The following PTK2B variants were observed in gnomAD, a reference collection of about 807,000 sequenced individuals.
PTK2B encodes the protein protein-tyrosine kinase 2-beta.
A neutral mutation model predicts 142.9 loss-of-function variants in PTK2B; 71 were observed. That is an observed-to-expected ratio of 0.50 (90% CI 0.41 to 0.61). PTK2B has a LOEUF of 0.61. PTK2B is among the 20% of genes least tolerant of loss of function. The probability of loss-of-function intolerance (pLI) is 0.00; values close to 1 mark genes in which losing one functional copy is unlikely to be tolerated. For synonymous variants in PTK2B, 519 were observed against 503.4 expected, an observed-to-expected ratio of 1.03 and a Z score of -0.42; for missense variants, 1,105 against 1,320.4, an observed-to-expected ratio of 0.84 and a Z score of 2.53.
Position 27,444,247 on chromosome 8 carries a change from C to A in PTK2B, c.2190C>A (p.Leu730=), listed in dbSNP as rs559212328. ...ACAGACCCCCTCCGCAAACCAACCTCCTGGCTCCAAAGCTGCAGTTCCAGG... is the reference window on the plus strand; with the variant it reads ...ACAGACCCCCTCCGCAAACCAACCTACTGGCTCCAAAGCTGCAGTTCCAGG... ...PKYRPPPQTN[L]LAPKLQFQVP... The change falls in exon 23 of 31, where the codon CTC becomes CTA. Residue 730 remains leucine, a synonymous_variant. Transcript: ENST00000346049. The A allele has an allele frequency of 6.2e-7, 1 of 1,613,894 alleles. No individual in the cohort carries two copies. The highest frequency in any genetic ancestry group is 1.7e-5 in the Admixed American group (1 of 60,020).
intron 24 of PTK2B, among the ~76,000 whole-genome samples, chr8:27,447,739 A>C (rs1811556813): frequency 1.3e-5 from 2 of 152,308 alleles, no homozygotes; most frequent in South Asian, 4.1e-4. Flanking sequence ...GTGCACCTGT[A>C]ATCCCAGCTA....
Position 27,387,817 on chromosome 8 carries a change from CTT to C in PTK2B, c.-37-9717_-37-9716del, listed in dbSNP as rs60954097. On this transcript the variant is annotated intron_variant, in intron 1 of 30. Coordinates refer to ENST00000346049, the MANE Select transcript of PTK2B (RefSeq NM_173176.3). ...CTTTCTCATCCTAGACTGGGGAAGG[CTT>C]TTTTTTTTTTTTTAAATCTACATGA... is the stretch of plus-strand genomic sequence containing the variant. Among the ~76,000 whole-genome samples the C allele has an allele frequency of 2.0e-3, 288 of 144,956 alleles. 1 individual carries two copies. Among genetic ancestry groups the C allele is most frequent in the East Asian group, 6.7e-3 (33 of 4,898 alleles).
intron 30 of PTK2B, among the ~76,000 whole-genome samples, chr8:27,456,046 T>C (rs545356970): frequency 6.6e-6 from 1 of 152,338 alleles, no homozygotes; most frequent in African/African-American, 2.4e-5. Context: ...ACAGGAGCCC[T>C]AGGTGGGGCT....
intron 1 of PTK2B, among the ~76,000 whole-genome samples, chr8:27,355,466 C>G (rs1052954322): frequency 1.3e-5 from 2 of 152,138 alleles, no homozygotes; most frequent in African/African-American, 4.8e-5. Flanking sequence ...CCCTAGCACC[C>G]CAGAAAGAAG....
chr8:27,339,940 G>A (rs974186721), intron 1 of PTK2B, among the ~76,000 whole-genome samples: 1 of 152,234 alleles, frequency 6.6e-6, no homozygotes, highest in East Asian at 1.9e-4. Flanking sequence ...TTCTGTGCCT[G>A]TCGGTCAGGA....
intron 3 of PTK2B, among the ~76,000 whole-genome samples, chr8:27,319,267 C>A (rs1803155561): frequency 1.3e-5 from 2 of 150,892 alleles, no homozygotes; most frequent in Non-Finnish European, 2.9e-5. Context: ...TTTATCTCTC[C>A]CCTCTACAGA....
At chr8:27,358,440 T>C (rs1316429597) in intron 1 of PTK2B, among the ~76,000 whole-genome samples, 1 of 152,250 alleles carries the variant, frequency 6.6e-6, no homozygotes, top group Non-Finnish European at 1.5e-5. Context: ...TAATCATATT[T>C]TTAATGTTTT....
intron 1 of PTK2B, among the ~76,000 whole-genome samples, chr8:27,386,241 C>T (rs899029314): frequency 6.6e-6 from 1 of 152,194 alleles, no homozygotes; most frequent in Non-Finnish European, 1.5e-5. Context: ...CATTATTTCA[C>T]TACTATAAAT....
chr8:27,345,404 C>A (rs1804656375), intron 1 of PTK2B, among the ~76,000 whole-genome samples: 1 of 152,192 alleles, frequency 6.6e-6, no homozygotes, highest in African/African-American at 2.4e-5. Flanking sequence ...TAAACACATG[C>A]CACATCCTTG....
At chr8:27,429,738 C>T (rs1810291602) in intron 5 of PTK2B, among the ~76,000 whole-genome samples, 2 of 152,164 alleles carry the variant, frequency 1.3e-5, no homozygotes, top group Admixed American at 1.3e-4. Flanking sequence ...CCCCCAGGAC[C>T]TGCAGGTGAA....
chr8:27,313,525 T>C (rs1374066036), intron 3 of PTK2B, among the ~76,000 whole-genome samples: 1 of 152,188 alleles, frequency 6.6e-6, no homozygotes, highest in African/African-American at 2.4e-5. Context: ...ATCCTGGGAC[T>C]TCATATGCTG....
In PTK2B at chr8:27,440,387, G is replaced by C; in HGVS notation, c.1985G>C (p.Trp662Ser). ...CTTTATACCCTCATGACCCGCTGCT[G>C]GGACTACGACCCCAGTGACCGGCCC... ...PVLYTLMTRC[W>S]DYDPSDRPRF... Residue 662 changes from tryptophan to serine, a missense_variant, in exon 21 of 31, where the codon TGG (tryptophan) becomes TCG (serine). Trp to Ser is a radical substitution (Grantham distance 177, BLOSUM62 -3). Transcript: ENST00000346049. The C allele has an allele frequency of 6.2e-7, 1 of 1,614,192 alleles. No homozygotes were observed. The highest frequency in any genetic ancestry group is 8.5e-7 in the Non-Finnish European group (1 of 1,180,046).
In PTK2B at chr8:27,433,640, T is replaced by TCAGTGGATGGCAGAAGCCATCCATCAGTG. The variant is rs1486036720; in HGVS notation, c.1105+88_1105+89insCAGTGGATGGCAGAAGCCATCCATCAGTG. 58 of 1,118,476 alleles carry TCAGTGGATGGCAGAAGCCATCCATCAGTG rather than the reference T, an allele frequency of 5.2e-5. 1 individual carries two copies. The East Asian group carries it at 1.4e-3, about 27-fold the overall frequency. 69.3% of individuals were successfully genotyped at this position (1,118,476 alleles called of 1,614,324 possible). A position where few individuals can be genotyped will look rare whatever the true frequency, so the allele number is the denominator to read the frequency against. On this transcript the variant is annotated intron_variant, in intron 11 of 30. Transcript: ENST00000346049. ...GGCGGAGTGGCAGAAGCTAAGCCAC[T>TCAGTGGATGGCAGAAGCCATCCATCAGTG]GATGGATAAGTGAATGAGGATTCTT...
rs1332722609 is a variant in PTK2B, at chr8:27,454,558, A to G, written c.2761A>G (p.Ile921Val). 1.2e-6 allele frequency: 2 copies of G among 1,614,224 alleles called. No homozygotes were observed. The highest frequency in any genetic ancestry group is 3.3e-5 in the Admixed American group (2 of 60,036). Residue 921 changes from isoleucine (I) to valine (V), a missense_variant, in exon 30 of 31, where the codon ATC becomes GTC. Physicochemically the swap from Ile to Val is conservative, Grantham distance 29. Coordinates refer to ENST00000346049, the MANE Select transcript of PTK2B (RefSeq NM_173176.3). ...TGTGGGGCTGACCCTGCGGAAGCTC[A>G]TCGGGAGCGTGGATGATCTCCTGCC... The part of the protein sequence containing the change: ...KNVGLTLRKL[I>V]GSVDDLLPSL...
At chr8:27,421,705 C>T (rs1809768178) in intron 4 of PTK2B, among the ~76,000 whole-genome samples, 1 of 152,332 alleles carries the variant, frequency 6.6e-6, no homozygotes, top group South Asian at 2.1e-4. Flanking sequence ...TTTCAAGCTA[C>T]TAATAGGATA....
chr8:27,454,013 A>G, intron 28 of PTK2B, 141 bp from the exon 29 acceptor site: 1 of 1,218,946 alleles, frequency 8.2e-7, no homozygotes, highest in South Asian at 1.4e-5. Context: ...GCACCCCGGG[A>G]CAGGGCACAA....
intron 30 of PTK2B, among the ~76,000 whole-genome samples, chr8:27,457,903 A>AGG (rs1812234952): frequency 6.8e-6 from 1 of 148,002 alleles, no homozygotes; most frequent in Non-Finnish European, 1.5e-5. Context: ...TGAACCCAGG[A>AGG]GGCGGGCATT....
At chr8:27,347,555 C>G (rs1336199141) in intron 1 of PTK2B, among the ~76,000 whole-genome samples, 1 of 152,176 alleles carries the variant, frequency 6.6e-6, no homozygotes, top group East Asian at 1.9e-4. Context: ...CTTGCAAATG[C>G]CATCTGTTGC....
At chr8:27,404,848 C>T (rs1808604463) in intron 2 of PTK2B, among the ~76,000 whole-genome samples, 1 of 152,122 alleles carries the variant, frequency 6.6e-6, no homozygotes, top group African/African-American at 2.4e-5. Context: ...CCCCTCACCC[C>T]CAATTCCATA....
Sources: gnomAD v4.1 joint callset for allele counts (sites outside exome capture counted in the v4.1 genomes callset) on GRCh38, gnomAD v4.1.1 for gene constraint, MANE v1.5 for transcripts, NCBI Gene and HGNC (gene_info 2026-07-23, HGNC 2026-07-21) for gene names.